MAP3K15: variants seen among roughly 807,000 people sequenced by gnomAD.
MAP3K15 encodes the protein MAPK/ERK kinase kinase 15.
A neutral mutation model predicts 99.5 loss-of-function variants in MAP3K15; 124 were observed. The ratio of observed to expected loss-of-function variants is 1.25; its 90% CI spans 1.08 to 1.45. The LOEUF is 1.45. Among genes scored for constraint, MAP3K15 ranks in the 40% most tolerant of loss-of-function variants. The probability of loss-of-function intolerance (pLI) is 0.00; values close to 1 mark genes in which losing one functional copy is unlikely to be tolerated. For missense variants in MAP3K15, 1,242 were observed against 1,079.7 expected, an observed-to-expected ratio of 1.15 and a Z score of -2.11; for synonymous variants, 494 against 439.6, an observed-to-expected ratio of 1.12 and a Z score of -1.55.
chrX:19,461,530 C>T (rs1198846120), intron 4 of MAP3K15, among the ~76,000 whole-genome samples: 2 of 112,721 alleles, frequency 1.8e-5, no homozygotes, highest in Non-Finnish European at 3.7e-5. Flanking sequence ...AGAGCCAATG[C>T]TATTATCTGG....
chrX:19,425,202 C>T (rs770341042), intron 9 of MAP3K15, among the ~76,000 whole-genome samples: 7 of 111,646 alleles, frequency 6.3e-5, no homozygotes, highest in Non-Finnish European at 9.4e-5. Flanking sequence ...TCTTGGTGTG[C>T]TTTTTTCATT....
intron 26 of MAP3K15, among the ~76,000 whole-genome samples, chrX:19,362,465 G>A (rs1010184278): frequency 9.1e-6 from 1 of 110,044 alleles, no homozygotes. Context: ...GAACTCCTGG[G>A]TTCAATTGAT....
At chrX:19,506,229 C>T (rs373909930) in intron 1 of MAP3K15, among the ~76,000 whole-genome samples, 25 of 110,275 alleles carry the variant, frequency 2.3e-4, no homozygotes, top group African/African-American at 6.3e-4. Context: ...CCACGGCGTC[C>T]GGCCTGATTT....
chrX:19,372,391 C>T (rs1005944648), intron 22 of MAP3K15, among the ~76,000 whole-genome samples: 2 of 112,023 alleles, frequency 1.8e-5, no homozygotes, highest in African/African-American at 3.2e-5. Context: ...GGCTGGTTTT[C>T]ACCAGGGGGC....
intron 11 of MAP3K15, 96 bp downstream of exon 11, chrX:19,413,261 C>G (rs1602284699): frequency 3.5e-6 from 2 of 578,777 alleles, no homozygotes; most frequent in East Asian, 7.0e-5. Flanking sequence ...TCTCATAATT[C>G]AGAAGTTAAA....
intron 11 of MAP3K15, among the ~76,000 whole-genome samples, chrX:19,410,348 G>T (rs2063678158): frequency 8.9e-6 from 1 of 112,377 alleles, no homozygotes; most frequent in East Asian, 2.8e-4. Flanking sequence ...GTTGGGAGAG[G>T]CAAGACTGCG....
chrX:19,398,058 C>T (rs368887863), intron 15 of MAP3K15, among the ~76,000 whole-genome samples, 168 bp downstream of exon 15: 147 of 89,333 alleles, frequency 1.6e-3, no homozygotes, highest in African/African-American at 6.5e-3. Context: ...AGCGAGACTC[C>T]GTTTCAAAAA....
At chrX:19,363,301 G>A (rs1409005422) in intron 25 of MAP3K15, among the ~76,000 whole-genome samples, 1 of 112,117 alleles carries the variant, frequency 8.9e-6, no homozygotes, top group Non-Finnish European at 1.9e-5. Context: ...ATGGCCATCT[G>A]TGAATGGGGA....
intron 25 of MAP3K15, among the ~76,000 whole-genome samples, chrX:19,363,638 G>A (rs2063313029): frequency 9.5e-6 from 1 of 105,298 alleles, no homozygotes; most frequent in African/African-American, 3.8e-5. Flanking sequence ...AGAAGCCCCT[G>A]CTTCTTATTT....
In MAP3K15 at chrX:19,420,259, T is replaced by C. The variant is rs749819705; in HGVS notation, c.1440-5002A>G. Among the ~76,000 whole-genome samples, 3 of 111,511 alleles carry C rather than the reference T, an allele frequency of 2.7e-5. No individual in the cohort carries two copies. The South Asian group carries it at 1.1e-3, about 42-fold the overall frequency. On this transcript the variant is annotated intron_variant, in intron 9 of 28. Transcript: ENST00000338883. ...AATCAATGAATCCAGGAGCTGGTTT[T>C]TTGAAAAGATCAACAAAATTGATAG...
intron 6 of MAP3K15, among the ~76,000 whole-genome samples, chrX:19,452,877 G>A (rs956463547): frequency 2.7e-5 from 3 of 110,385 alleles, no homozygotes; most frequent in Non-Finnish European, 5.7e-5. Flanking sequence ...ATCAGCAATG[G>A]TTAGTGTATT....
At chrX:19,462,478 A>T (rs2064139566) in intron 4 of MAP3K15, among the ~76,000 whole-genome samples, 1 of 112,481 alleles carries the variant, frequency 8.9e-6, no homozygotes, top group African/African-American at 3.2e-5. Context: ...CACTGAAGCT[A>T]TTAAAGTGTT....
At chrX:19,472,268 T>TAATAATAATAAA (rs2064213509) in intron 3 of MAP3K15, among the ~76,000 whole-genome samples, 1 of 88,126 alleles carries the variant, frequency 1.1e-5, no homozygotes, top group African/African-American at 4.0e-5. Context: ...ATAATAATAA[T>TAATAATAATAAA]AAAGAAATTT....
At chrX:19,391,969 TG>T in intron 18 of MAP3K15, 32 bp downstream of exon 18, 1 of 1,060,982 alleles carries the variant, frequency 9.4e-7, no homozygotes, top group Non-Finnish European at 1.3e-6. Context: ...AACTCTGGGA[TG>T]GGCACCCTGT....
chrX:19,361,509 G>C lies in MAP3K15; in HGVS notation c.3764C>G (p.Ala1255Gly), dbSNP rs2063287383. 8.3e-7 allele frequency: 1 copy of C among 1,209,689 alleles called. No individual in the cohort carries two copies. The change falls in exon 27 of 29, where the codon GCA becomes GGA. Residue 1255 changes from alanine (A) to glycine (G), a missense_variant. Coordinates refer to ENST00000338883, the MANE Select transcript of MAP3K15 (RefSeq NM_001001671.4). Reference sequence around the variant, plus strand: ...TAAATTTACCTTTTCAATTGTCTTTGCATCAGCTCCTTGCAGCCGCAACCA... The same window carrying C: ...TAAATTTACCTTTTCAATTGTCTTTCCATCAGCTCCTTGCAGCCGCAACCA... ...IDWLRLQGADAKTIEKIVEEG... is the reference protein window; with the variant it reads ...IDWLRLQGADGKTIEKIVEEG...
At chrX:19,446,378 G>A (rs906770180) in intron 6 of MAP3K15, among the ~76,000 whole-genome samples, 8 of 111,765 alleles carry the variant, frequency 7.2e-5, no homozygotes, top group Admixed American at 5.7e-4. Context: ...CTTTTGAAAG[G>A]AGAGCAATAT....
Position 19,373,518 on chromosome X carries a change from G to A in MAP3K15, c.2933+18C>T. 8.6e-7 allele frequency: 1 copy of A among 1,165,900 alleles called. No homozygotes were observed. The highest frequency in any genetic ancestry group is 1.1e-6 in the Non-Finnish European group (1 of 871,527). ...CACCCTTTCGGGCCCGCGGCAGACA[G>A]ACAGAATACGGGTGTACCTGAGGAG... On this transcript the variant is annotated intron_variant, in intron 21 of 28. Transcript: ENST00000338883.
At chrX:19,386,612 G>C (rs758789665) in intron 18 of MAP3K15, among the ~76,000 whole-genome samples, 38 of 111,361 alleles carry the variant, frequency 3.4e-4, no homozygotes, top group Non-Finnish European at 6.4e-4. Context: ...GCAGAGTTCA[G>C]AACAAGGTGA....
At chrX:19,438,682 T>C (rs764804928) in intron 6 of MAP3K15, among the ~76,000 whole-genome samples, 9 of 112,058 alleles carry the variant, frequency 8.0e-5, no homozygotes, top group Non-Finnish European at 1.1e-4. Context: ...AGGAAATTCA[T>C]AGGGCAAGAG....
Sources: gnomAD v4.1 joint callset for allele counts (sites outside exome capture counted in the v4.1 genomes callset) on GRCh38, gnomAD v4.1.1 for gene constraint, MANE v1.5 for transcripts, NCBI Gene and HGNC (gene_info 2026-07-23, HGNC 2026-07-21) for gene names.